The following RAMP1 variants were observed in gnomAD, a reference collection of about 807,000 sequenced individuals.
RAMP1 encodes receptor activity-modifying protein 1.
A neutral mutation model predicts 8.2 loss-of-function variants in RAMP1; 7 were observed. That is an observed-to-expected ratio of 0.85 (90% CI 0.49 to 1.60). The LOEUF (loss-of-function observed/expected upper bound fraction) is 1.60. Ranked by LOEUF, RAMP1 falls within the 40% of genes most tolerant of loss-of-function variation. The pLI is 0.00. For missense variants in RAMP1, 192 were observed against 202.4 expected (o/e 0.95, Z 0.31); for synonymous variants, 92 against 84.7 (o/e 1.09, Z -0.47).
chr2:237,865,111 A>G lies in RAMP1; in HGVS notation c.52+5384A>G, dbSNP rs2151002400. On this transcript the variant is annotated intron_variant, in intron 1 of 2. Transcript: ENST00000254661. This position sits in a 1 kb window ranked among gnomAD's most constrained non-coding sequence, Gnocchi z 4.2. ...AGCATGGGCAGGAGGCCAGGCAAGG[A>G]TAGGAGTGGGAGGGTTCCAGGGAGT... Among the ~76,000 whole-genome samples, 1 of 152,036 alleles carries G rather than the reference A, an allele frequency of 6.6e-6. No homozygotes were observed. Among genetic ancestry groups the G allele is most frequent in the African/African-American group, 2.4e-5 (1 of 41,480 alleles).
At chr2:237,910,583 TCACACAGAATAACACAGTCACACAGTCA>T (rs371423458) in intron 2 of RAMP1, among the ~76,000 whole-genome samples, 1,745 of 134,856 alleles carry the variant, frequency 0.013, 39 homozygotes, top group African/African-American at 0.047. Flanking sequence ...AGTTACACAG[TCACACAGAATAACACAGTCACACAGTCA>T]CACACAGAAT....
chr2:237,886,945 G>C (rs116603311), intron 2 of RAMP1, among the ~76,000 whole-genome samples: 2 of 152,158 alleles, frequency 1.3e-5, no homozygotes, highest in African/African-American at 4.8e-5. Context: ...GTGGACACTC[G>C]ACTACAGCAG....
intron 2 of RAMP1, among the ~76,000 whole-genome samples, chr2:237,902,474 G>C (rs187183798): frequency 2.0e-5 from 3 of 151,968 alleles, no homozygotes; most frequent in East Asian, 1.9e-4. Context: ...CAGAGGGGGT[G>C]GGGGGAACAC....
intron 2 of RAMP1, among the ~76,000 whole-genome samples, chr2:237,880,780 G>T (rs1411608530): frequency 1.3e-5 from 2 of 152,142 alleles, no homozygotes; most frequent in Non-Finnish European, 2.9e-5. Flanking sequence ...CAGCATCAAG[G>T]ATTATCCCCT....
rs376123332 is a variant in RAMP1, at chr2:237,905,830, G to A, written c.192-5698G>A. On this transcript the variant is annotated intron_variant, in intron 2 of 2. Transcript: ENST00000254661. ...GTTCGAGACCAGCCTGGCCAACATA[G>A]TGAAACCCCATCTCTACTAAAAATA... Among the ~76,000 whole-genome samples the A allele has an allele frequency of 4.1e-4, 63 of 152,168 alleles. No homozygotes were observed. In the South Asian group the frequency reaches 0.012, roughly 28 times the overall value.
chr2:237,893,844 AAG>A (rs2062510677), intron 2 of RAMP1, among the ~76,000 whole-genome samples: 1 of 152,170 alleles, frequency 6.6e-6, no homozygotes, highest in Admixed American at 6.5e-5. Flanking sequence ...AGGCTGAGGA[AAG>A]AGAATTGCTC....
At chr2:237,911,438 T>G in intron 2 of RAMP1, 90 bp from the exon 3 acceptor site, 1 of 1,521,104 alleles carries the variant, frequency 6.6e-7, no homozygotes, top group Non-Finnish European at 8.9e-7. Flanking sequence ...CAGGGCTGCA[T>G]GAGGGGCCAC....
At chr2:237,880,013 C>CAAAAAAAA (rs2062351109) in intron 2 of RAMP1, among the ~76,000 whole-genome samples, 1 of 109,632 alleles carries the variant, frequency 9.1e-6, no homozygotes. Flanking sequence ...AAAAAAAAAT[C>CAAAAAAAA]AAGATAATTT....
upstream of RAMP1, among the ~76,000 whole-genome samples, chr2:237,859,370 TAA>T (rs2062108845): frequency 6.6e-6 from 1 of 152,154 alleles, no homozygotes; most frequent in South Asian, 2.1e-4. Flanking sequence ...CTCCCTAGTT[TAA>T]AAAGTGTTTA....
intron 1 of RAMP1, 91 bp downstream of exon 1, chr2:237,859,818 G>T: frequency 8.5e-7 from 1 of 1,173,054 alleles, no homozygotes; most frequent in South Asian, 2.2e-5. Context: ...GGGAGCGGGT[G>T]GGAGCGGGTG....
Position 237,880,970 on chromosome 2 carries a change from C to T in RAMP1, c.191+3608C>T, listed in dbSNP as rs72976070. Among the ~76,000 whole-genome samples the T allele has an allele frequency of 2.0e-5, 3 of 152,276 alleles. No individual in the cohort carries two copies. The East Asian group carries it at 5.8e-4, about 29-fold the overall frequency. Reference sequence around the variant, plus strand: ...GTCTCTGCGCAAAGGTGTGTTCAGACAACTGGCATTGTCCCTCCTCCTCCT... The same window carrying T: ...GTCTCTGCGCAAAGGTGTGTTCAGATAACTGGCATTGTCCCTCCTCCTCCT... On this transcript the variant is annotated intron_variant, in intron 2 of 2. Transcript: ENST00000254661.
chr2:237,877,164 G>A lies in RAMP1; in HGVS notation c.53-60G>A, dbSNP rs1294869875. ...GGGCTGCAGGGGCGCGCGGGCTGGC[G>A]GTGATACCCCTAGGCCTCTGCTGCC... On this transcript the variant is annotated intron_variant, in intron 1 of 2. Transcript: ENST00000254661. This position sits in a 1 kb window ranked among gnomAD's most constrained non-coding sequence, Gnocchi z 4.4. 2.7e-5 allele frequency: 43 copies of A among 1,608,572 alleles called. No individual in the cohort carries two copies. The highest frequency in any genetic ancestry group is 3.3e-5 in the Admixed American group (2 of 59,944).
chr2:237,863,215 T>C (rs561212915), intron 1 of RAMP1, among the ~76,000 whole-genome samples: 1 of 152,044 alleles, frequency 6.6e-6, no homozygotes, highest in African/African-American at 2.4e-5. Context: ...GAGCCCGGGC[T>C]ACAGTGGCCC....
At chr2:237,903,551 T>C (rs10183884) in intron 2 of RAMP1, among the ~76,000 whole-genome samples, 129,423 of 152,112 alleles carry the variant, frequency 0.85, 55,085 homozygotes, top group East Asian at 0.9. Flanking sequence ...CAGGGTCTTA[T>C]TCTGTTGCCC....
Position 237,887,645 on chromosome 2 carries a change from T to G in RAMP1, c.191+10283T>G, listed in dbSNP as rs2062447007. ...AAAGCCATTTCCTGGTTTTTGCTAT[T>G]ATAAATGATGGAGCTGGGCACAGTG... is the stretch of plus-strand genomic sequence containing the variant. On this transcript the variant is annotated intron_variant, in intron 2 of 2. Transcript: ENST00000254661. Among the ~76,000 whole-genome samples the G allele has an allele frequency of 2.0e-5, 3 of 152,350 alleles. No individual in the cohort carries two copies. The South Asian group carries it at 6.2e-4, about 32-fold the overall frequency.
chr2:237,897,516 G>T (rs1044371795), intron 2 of RAMP1, among the ~76,000 whole-genome samples: 1 of 152,164 alleles, frequency 6.6e-6, no homozygotes, highest in African/African-American at 2.4e-5. Flanking sequence ...TCTTTGGTGC[G>T]TTATTCATGT....
intron 1 of RAMP1, among the ~76,000 whole-genome samples, chr2:237,860,449 G>A (rs1178456673): frequency 6.6e-6 from 1 of 152,196 alleles, no homozygotes; most frequent in Non-Finnish European, 1.5e-5. Flanking sequence ...GAGAAGTGGA[G>A]ATTAGCGGCA....
chr2:237,903,819 C>T (rs963352217), intron 2 of RAMP1, among the ~76,000 whole-genome samples: 1 of 152,178 alleles, frequency 6.6e-6, no homozygotes, highest in East Asian at 1.9e-4. Context: ...CTTAGCCTCC[C>T]GAGTAGCTGG....
chr2:237,861,819 C>G (rs1442644774), intron 1 of RAMP1, among the ~76,000 whole-genome samples: 1 of 151,482 alleles, frequency 6.6e-6, no homozygotes, highest in Non-Finnish European at 1.5e-5. Flanking sequence ...CCACTGCACT[C>G]CAGCCTGGGT....
Sources: allele counts gnomAD v4.1 joint callset (sites outside exome capture counted in the v4.1 genomes callset), GRCh38; gene constraint gnomAD v4.1.1; non-coding constraint Gnocchi (gnomAD v3.1); transcripts MANE v1.5; gene names NCBI Gene and HGNC (gene_info 2026-07-23, HGNC 2026-07-21).